Variants in DCDC2C observed in about 807,000 individuals in gnomAD.
DCDC2C encodes doublecortin domain containing 2C, also known as doublecortin domain-containing protein 2C.
In DCDC2C, 44 loss-of-function variants were observed where a neutral mutation model predicts 45.0. The ratio of observed to expected loss-of-function variants is 0.98; its 90% CI spans 0.77 to 1.26. The LOEUF (loss-of-function observed/expected upper bound fraction) is 1.26. DCDC2C is among the 50% of genes most tolerant of loss of function. DCDC2C has a pLI of 0.00. For missense variants in DCDC2C, 447 were observed against 468.9 expected (o/e 0.95, Z 0.43); for synonymous variants, 187 against 178.8 (o/e 1.05, Z -0.37).
At chr2:3,839,264 C>A (rs1419478112) in intron 10 of DCDC2C, among the ~76,000 whole-genome samples, 1 of 152,156 alleles carries the variant, frequency 6.6e-6, no homozygotes, top group Non-Finnish European at 1.5e-5. Context: ...AAATTAAATG[C>A]TATCTATCTC....
chr2:3,756,887 A>G (rs1669735064), intron 6 of DCDC2C, among the ~76,000 whole-genome samples: 1 of 152,174 alleles, frequency 6.6e-6, no homozygotes, highest in South Asian at 2.1e-4. Context: ...CTTGAGTTGA[A>G]TGATCGCCTT....
At chr2:3,725,754 C>CTCGGTGGATCCCAGAGGGAGATGAG (rs1668651143) in intron 2 of DCDC2C, among the ~76,000 whole-genome samples, 1 of 33,980 alleles carries the variant, frequency 2.9e-5, no homozygotes, top group Non-Finnish European at 6.2e-5. Context: ...AGAGAGACTG[C>CTCGGTGGATCCCAGAGGGAGATGAG]CAGAGAGTGA....
At chr2:3,732,295 C>T (rs553719971) in intron 3 of DCDC2C, among the ~76,000 whole-genome samples, 13 of 152,164 alleles carry the variant, frequency 8.5e-5, no homozygotes, top group Admixed American at 2.0e-4. Context: ...TGGCATCACC[C>T]GCTTTGTTCC....
intron 10 of DCDC2C, among the ~76,000 whole-genome samples, chr2:3,803,879 T>G (rs1304506739): frequency 6.6e-6 from 1 of 152,236 alleles, no homozygotes; most frequent in African/African-American, 2.4e-5. Flanking sequence ...TCTGACTTCA[T>G]GTACCCTTGC....
At chr2:3,711,922 A>G (rs1668222037) in intron 2 of DCDC2C, among the ~76,000 whole-genome samples, 1 of 152,220 alleles carries the variant, frequency 6.6e-6, no homozygotes, top group African/African-American at 2.4e-5. Flanking sequence ...ATGGAGCAGT[A>G]TCATGTCAGC....
chr2:3,782,585 T>G (rs1046282834), intron 9 of DCDC2C, among the ~76,000 whole-genome samples: 2 of 149,626 alleles, frequency 1.3e-5, no homozygotes, highest in Non-Finnish European at 1.5e-5. Flanking sequence ...TTCACACCAT[T>G]CTCCTGCCTC....
At chr2:3,747,574 G>A (rs1372357409) in intron 4 of DCDC2C, among the ~76,000 whole-genome samples, 1 of 152,238 alleles carries the variant, frequency 6.6e-6, no homozygotes, top group East Asian at 1.9e-4. Flanking sequence ...CCTGGCCCAG[G>A]GAGTAGCCCA....
chr2:3,796,578 AG>A (rs1236449263), intron 10 of DCDC2C, among the ~76,000 whole-genome samples: 14 of 115,446 alleles, frequency 1.2e-4, no homozygotes, highest in Middle Eastern at 3.8e-3. Flanking sequence ...TTTAGCATGA[AG>A]GGTTGTTGAA....
rs1671603173 is a variant in DCDC2C, at chr2:3,818,293, C to A, written c.1066-28861C>A. Among the ~76,000 whole-genome samples, 1 of 152,162 alleles carries A rather than the reference C, an allele frequency of 6.6e-6. No homozygotes were observed. Among genetic ancestry groups the A allele is most frequent in the South Asian group, 2.1e-4 (1 of 4,818 alleles). ...GTACAGCCCAGGTAATTTGCTGAGC[C>A]TGATGGGTGTCAGGGTCTGTCCAAG... On this transcript the variant is annotated intron_variant, in intron 10 of 10. Coordinates refer to ENST00000399143, the MANE Select transcript of DCDC2C (RefSeq NM_001287444.2). The surrounding 1 kb of genome is among the most constrained non-coding windows in gnomAD (Gnocchi z 4.7).
intron 3 of DCDC2C, among the ~76,000 whole-genome samples, chr2:3,739,492 AAC>A (rs1010597872): frequency 6.6e-6 from 1 of 152,222 alleles, no homozygotes; most frequent in Non-Finnish European, 1.5e-5. Context: ...TCGGCGGAGG[AAC>A]ACACAAGTGG....
rs189108218 is a variant in DCDC2C at position 3,832,969 on chromosome 2, T to C, written c.1066-14185T>C. ...GGTCAGAAATTCAACACGGGTCTCA[T>C]TGGACTAAAGCCAAGTTGCTGGCTT... On this transcript the variant is annotated intron_variant, in intron 10 of 10. Transcript: ENST00000399143. Among the ~76,000 whole-genome samples, 23 of 152,352 alleles carry C rather than the reference T, an allele frequency of 1.5e-4. No individual in the cohort carries two copies. The East Asian group carries it at 4.2e-3, about 28-fold the overall frequency.
At chr2:3,755,397 ATATG>A (rs746788674) in intron 6 of DCDC2C, among the ~76,000 whole-genome samples, 8 of 150,416 alleles carry the variant, frequency 5.3e-5, no homozygotes, top group African/African-American at 7.5e-5. Flanking sequence ...ATGAATGCAC[ATATG>A]TATGTATTTA....
chr2:3,703,615 T>TCCCGTC lies in DCDC2C; in HGVS notation c.-129_-124dup. The TCCCGTC allele has an allele frequency of 1.2e-6, 1 of 857,582 alleles. No individual in the cohort carries two copies. The highest frequency in any genetic ancestry group is 4.5e-5 in the Admixed American group (1 of 22,048). 53.1% of individuals were successfully genotyped at this position (857,582 alleles called of 1,614,324 possible). A position where few individuals can be genotyped will look rare whatever the true frequency, so the allele number is the denominator to read the frequency against. On this transcript the variant is annotated 5_prime_UTR_variant, in exon 1 of 11. Transcript: ENST00000399143. The surrounding 1 kb of genome is among the most constrained non-coding windows in gnomAD (Gnocchi z 4.4). The stretch of plus-strand genomic sequence containing the variant: ...CCGTCCAGCCCCCGTCCCGTCCCCG[T>TCCCGTC]CCCGTCCCCGTCCTGCGCCAGCGGC...
chr2:3,746,909 G>A (rs1669380095), intron 4 of DCDC2C, among the ~76,000 whole-genome samples: 1 of 152,170 alleles, frequency 6.6e-6, no homozygotes, highest in African/African-American at 2.4e-5. Flanking sequence ...GTGGAAGTAA[G>A]GGAGGTGTTC....
intron 10 of DCDC2C, among the ~76,000 whole-genome samples, chr2:3,845,075 T>C (rs1672296496): frequency 6.6e-6 from 1 of 152,208 alleles, no homozygotes; most frequent in South Asian, 2.1e-4. Context: ...CCTATGTACA[T>C]TTTTGGTGGC....
chr2:3,838,455 AG>A (rs375074872), intron 10 of DCDC2C, among the ~76,000 whole-genome samples: 42,397 of 138,294 alleles, frequency 0.31, 6,199 homozygotes, highest in South Asian at 0.46. Context: ...ATCATGACAG[AG>A]AGAGAGAGAG....
intron 10 of DCDC2C, among the ~76,000 whole-genome samples, chr2:3,786,100 A>C (rs959748872): frequency 6.6e-6 from 1 of 152,200 alleles, no homozygotes; most frequent in East Asian, 1.9e-4. Flanking sequence ...ATTCCTGACC[A>C]TATTATGGGG....
chr2:3,703,886 G>A lies in DCDC2C; in HGVS notation c.135G>A (p.Ala45=), dbSNP rs886157701. 51 of 1,314,046 alleles carry A rather than the reference G, an allele frequency of 3.9e-5. No homozygotes were observed. Among genetic ancestry groups the A allele is most frequent in the Admixed American group, 7.8e-5 (2 of 25,560 alleles). The allele number at this position is 1,314,046 out of a possible 1,614,324, so 81.4% of individuals were successfully genotyped here. A position where few individuals can be genotyped will look rare whatever the true frequency, so the allele number is the denominator to read the frequency against. Residue 45 remains alanine (A), a synonymous_variant, in exon 1 of 11, where the codon GCG becomes GCA. Transcript: ENST00000399143. The surrounding 1 kb of genome is among the most constrained non-coding windows in gnomAD (Gnocchi z 4.4). ...LSRRRAATFE[A]LLEQLTEQVD... ...GGCGCCGCGCGGCCACCTTCGAGGC[G>A]CTGCTGGAGCAGCTCACGGAGCAGG... is the stretch of plus-strand genomic sequence containing the variant.
chr2:3,757,307 A>C (rs935030300), intron 6 of DCDC2C, among the ~76,000 whole-genome samples: 1 of 152,232 alleles, frequency 6.6e-6, no homozygotes, highest in Non-Finnish European at 1.5e-5. Context: ...AAAATTAAAA[A>C]AAAATACAGG....
Sources: gnomAD v4.1 joint callset for allele counts (sites outside exome capture counted in the v4.1 genomes callset) on GRCh38, gnomAD v4.1.1 for gene constraint, Gnocchi (gnomAD v3.1) non-coding constraint, MANE v1.5 for transcripts, NCBI Gene and HGNC (gene_info 2026-07-23, HGNC 2026-07-21) for gene names.